Variants in MROH1 observed in about 807,000 individuals in gnomAD.
The protein encoded by MROH1 is maestro heat-like repeat-containing protein family member 1.
Under a neutral mutation model 116.5 loss-of-function variants are expected in MROH1, and 117 were observed. The observed-to-expected ratio is 1.00, with a 90% CI of 0.86 to 1.17. MROH1 has a LOEUF of 1.17. Ranked by LOEUF, MROH1 falls within the 50% of genes most tolerant of loss-of-function variation. The probability of loss-of-function intolerance (pLI) is 0.00; values close to 1 mark genes in which losing one functional copy is unlikely to be tolerated. For synonymous variants in MROH1, 921 were observed against 583.9 expected (o/e 1.58, Z -8.32); for missense variants, 1,873 against 1,338.5 (o/e 1.40, Z -6.23).
Position 144,247,661 on chromosome 8 carries a change from C to T in MROH1, c.3102C>T (p.Thr1034=). 2.6e-6 allele frequency: 2 copies of T among 768,516 alleles called. No homozygotes were observed. Among genetic ancestry groups the T allele is most frequent in the South Asian group, 2.7e-5 (2 of 73,736 alleles). 47.6% of individuals were successfully genotyped at this position (768,516 alleles called of 1,614,324 possible). A position where few individuals can be genotyped will look rare whatever the true frequency, so the allele number is the denominator to read the frequency against. ...VHPDPAILFH[T]CHSVGQIIAK... ...CTGACCCCGCCATTCTCTTCCACAC[C>T]TGCCACAGTGTAGGCCAGGTACCAG... Residue 1034 remains threonine (T), a synonymous_variant, in exon 31 of 44, where the codon ACC becomes ACT. Transcript: ENST00000326134.
At position 144,261,687 on chromosome 8, in the gene MROH1, G is replaced by A. The variant is rs980969157; in HGVS notation, c.4873G>A (p.Glu1625Lys). 58 of 728,590 alleles carry A rather than the reference G, an allele frequency of 8.0e-5. No homozygotes were observed. Among genetic ancestry groups the A allele is most frequent in the African/African-American group, 1.6e-4 (9 of 57,838 alleles). The allele number at this position is 728,590 out of a possible 1,614,324, so 45.1% of individuals were successfully genotyped here. Reference protein sequence around the residue: ...LQILLKDPAPEVRTRAAEALG... With the variant: ...LQILLKDPAPKVRTRAAEALG... ...GATCCTGCTGAAGGACCCGGCCCCC[G>A]AGGTGCGGACGAGGGCTGCTGAGGC... The change falls in exon 44 of 44, where the codon GAG (glutamate) becomes AAG (lysine). Residue 1625 changes from glutamate to lysine, a missense_variant. Glu to Lys is a moderately conservative substitution (Grantham distance 56). Coordinates refer to ENST00000326134, the MANE Select transcript of MROH1 (RefSeq NM_032450.3).
chr8:144,258,644 G>A (rs1482781586), intron 35 of MROH1, 133 bp from the exon 36 acceptor site: 30 of 675,346 alleles, frequency 4.4e-5, no homozygotes, highest in Non-Finnish European at 7.6e-5. Flanking sequence ...CCTGCTTCCT[G>A]GAGAGTGGCT....
At position 144,255,399 on chromosome 8, in the gene MROH1, A is replaced by G. The variant is rs1433243567; in HGVS notation, c.3595-110A>G. Reference sequence around the variant, plus strand: ...TCCTGCGCTGCAGCTGGGATCTGAGACCTCCGAGCACATGATGCAGGCGAA... The same window carrying G: ...TCCTGCGCTGCAGCTGGGATCTGAGGCCTCCGAGCACATGATGCAGGCGAA... On this transcript the variant is annotated intron_variant, in intron 34 of 43. Transcript: ENST00000326134. 64 of 686,712 alleles carry G rather than the reference A, an allele frequency of 9.3e-5. 1 individual carries two copies. The highest frequency in any genetic ancestry group is 7.5e-4 in the South Asian group (47 of 62,440). The allele number at this position is 686,712 out of a possible 1,614,324, so 42.5% of individuals were successfully genotyped here.
chr8:144,165,067 T>G (rs759644572), intron 3 of MROH1, among the ~76,000 whole-genome samples: 2 of 151,646 alleles, frequency 1.3e-5, no homozygotes, highest in African/African-American at 2.4e-5. Flanking sequence ...CAAGCCATCC[T>G]CCCACCTCAG....
intron 1 of MROH1, among the ~76,000 whole-genome samples, chr8:144,156,658 G>A (rs1398851530): frequency 8.5e-6 from 1 of 117,058 alleles, no homozygotes; most frequent in African/African-American, 3.2e-5. Flanking sequence ...GCAGTGAGCC[G>A]AGATTGCACC....
At chr8:144,191,230 C>T (rs891876902) in intron 8 of MROH1, among the ~76,000 whole-genome samples, 31 of 152,218 alleles carry the variant, frequency 2.0e-4, no homozygotes, top group African/African-American at 7.5e-4. Flanking sequence ...CCACCACTCC[C>T]GGCTTATTTT....
intron 3 of MROH1, among the ~76,000 whole-genome samples, chr8:144,165,751 T>TG (rs1820668861): frequency 6.6e-6 from 1 of 151,216 alleles, no homozygotes; most frequent in South Asian, 2.1e-4. Flanking sequence ...TTTGTATTTT[T>TG]TTTTTTTTTT....
rs1844419261 is a variant in MROH1 at position 144,258,822 on chromosome 8, C to T, written c.3837C>T (p.Ser1279=). The T allele has an allele frequency of 5.2e-6, 4 of 769,470 alleles. No homozygotes were observed. Among genetic ancestry groups the T allele is most frequent in the Non-Finnish European group, 7.2e-6 (3 of 414,416 alleles). The allele number at this position is 769,470 out of a possible 1,614,324, so 47.7% of individuals were successfully genotyped here. A position where few individuals can be genotyped will look rare whatever the true frequency, so the allele number is the denominator to read the frequency against. Residue 1279 remains serine, a synonymous_variant, in exon 36 of 44, where the codon AGC becomes AGT. Transcript: ENST00000326134. ...TLRSMLLRSG[S]EDVVQRMDLE... ...GGTCCATGCTACTCCGCAGCGGCAGCGAGGATGTGGTACAGCGCATGGACC... is the reference window on the plus strand; with the variant it reads ...GGTCCATGCTACTCCGCAGCGGCAGTGAGGATGTGGTACAGCGCATGGACC...
At chr8:144,233,666 G>A (rs915492836) in intron 14 of MROH1, among the ~76,000 whole-genome samples, 6 of 152,178 alleles carry the variant, frequency 3.9e-5, no homozygotes, top group African/African-American at 9.7e-5. Flanking sequence ...ATGGTGTGGC[G>A]CTGCCAGAAT....
intron 1 of MROH1, among the ~76,000 whole-genome samples, chr8:144,151,543 C>T (rs1236731538): frequency 2.6e-5 from 4 of 152,182 alleles, no homozygotes; most frequent in South Asian, 2.1e-4. Flanking sequence ...AGAGCTGCTT[C>T]CACTCAATAG....
rs561237209 is a variant in MROH1 at position 144,220,855 on chromosome 8, AC to A, written c.1215+183del. ...GTGGCTGGTGCTTTTCCCACATCTC[AC>A]TCAGGAAACAGTCCCCAAGGCCACC... is the stretch of plus-strand genomic sequence containing the variant. On this transcript the variant is annotated intron_variant, in intron 13 of 43. Transcript: ENST00000326134. Among the ~76,000 whole-genome samples, 303 of 152,008 alleles carry A rather than the reference AC, an allele frequency of 2.0e-3. 1 individual carries two copies. Among genetic ancestry groups the A allele is most frequent in the African/African-American group, 6.8e-3 (282 of 41,460 alleles).
chr8:144,198,201 T>C (rs1391049185), intron 10 of MROH1, among the ~76,000 whole-genome samples: 2 of 152,184 alleles, frequency 1.3e-5, no homozygotes, highest in African/African-American at 4.8e-5. Flanking sequence ...CTGGGGCCTT[T>C]GCTGTGGTTA....
At chr8:144,223,032 G>C (rs1808161598) in intron 13 of MROH1, 76 bp from the exon 14 acceptor site, 1 of 1,586,952 alleles carries the variant, frequency 6.3e-7, no homozygotes, top group African/African-American at 1.3e-5. Context: ...GGAAGACTGA[G>C]GTTCCTCTCT....
intron 31 of MROH1, among the ~76,000 whole-genome samples, chr8:144,247,895 T>C (rs1418733165): frequency 6.6e-6 from 1 of 152,242 alleles, no homozygotes; most frequent in Admixed American, 6.5e-5. Context: ...GCAGTCCATA[T>C]GAGAGGAAGG....
At chr8:144,204,531 C>T (rs1832415997) in intron 12 of MROH1, among the ~76,000 whole-genome samples, 1 of 152,134 alleles carries the variant, frequency 6.6e-6, no homozygotes, top group Non-Finnish European at 1.5e-5. Context: ...ATTCACCAAC[C>T]AGGTGAAGAA....
chr8:144,200,200 C>T (rs1334434741), intron 11 of MROH1, among the ~76,000 whole-genome samples: 2 of 152,106 alleles, frequency 1.3e-5, no homozygotes, highest in African/African-American at 4.8e-5. Context: ...GATCTAAGTC[C>T]CGGCATGCTC....
rs1055292454 is a variant in MROH1 at position 144,249,173 on chromosome 8, G to A, written c.3273+144G>A. ...GTGAGGCTGGCCCTGGCCTGTCCTG[G>A]ACCACCCTGCCCAGCCCTCCTCGGG... On this transcript the variant is annotated intron_variant, in intron 32 of 43. Transcript: ENST00000326134. The A allele has an allele frequency of 6.1e-6, 4 of 659,208 alleles. No homozygotes were observed. In the African/African-American group the frequency reaches 7.1e-5, roughly 12 times the overall value. The allele number at this position is 659,208 out of a possible 1,614,324, so 40.8% of individuals were successfully genotyped here.
chr8:144,188,406 G>C (rs1827727719), intron 7 of MROH1, among the ~76,000 whole-genome samples: 1 of 150,554 alleles, frequency 6.6e-6, no homozygotes, highest in South Asian at 2.1e-4. Context: ...TTCAGCCCAG[G>C]GGGGCCTCAC....
At chr8:144,197,499 G>A (rs1006411079) in intron 10 of MROH1, among the ~76,000 whole-genome samples, 5 of 133,388 alleles carry the variant, frequency 3.7e-5, no homozygotes, top group South Asian at 2.5e-4. Context: ...GCAGTGGCGC[G>A]ATCTTGGCTC....
Sources: gnomAD v4.1 joint callset for allele counts (sites outside exome capture counted in the v4.1 genomes callset) on GRCh38, gnomAD v4.1.1 for gene constraint, MANE v1.5 for transcripts, NCBI Gene and HGNC (gene_info 2026-07-23, HGNC 2026-07-21) for gene names.